The following INO80D variants were observed in gnomAD, a reference collection of about 807,000 sequenced individuals.
The protein encoded by INO80D is INO80 complex subunit D.
INO80D carries 21 observed loss-of-function variants against 87.6 expected under a neutral mutation model. The observed-to-expected ratio is 0.24, with a 90% confidence interval of 0.17 to 0.35. INO80D has a LOEUF of 0.35. Ranked by LOEUF, INO80D falls within the 10% of genes least tolerant of loss-of-function variation. The pLI is 1.00. For missense variants in INO80D, 982 were observed against 1,280.7 expected (o/e 0.77, Z 3.56); for synonymous variants, 440 against 491.0 (o/e 0.90, Z 1.37).
At chr2:206,027,336 TAAAAAAAATTCA>T (rs1688645260) in intron 6 of INO80D, among the ~76,000 whole-genome samples, 1 of 152,080 alleles carries the variant, frequency 6.6e-6, no homozygotes, top group Non-Finnish European at 1.5e-5. Context: ...ATTTTTTTCT[TAAAAAAAATTCA>T]ATGTAATAAA....
chr2:206,018,548 T>C (rs1688379401), intron 7 of INO80D, among the ~76,000 whole-genome samples: 2 of 152,164 alleles, frequency 1.3e-5, no homozygotes, highest in South Asian at 4.1e-4. Flanking sequence ...AACTCATCTT[T>C]CCAAATTTGA....
intron 1 of INO80D, among the ~76,000 whole-genome samples, chr2:206,074,939 C>T (rs1351302779): frequency 1.4e-5 from 2 of 146,914 alleles, no homozygotes; most frequent in Admixed American, 6.9e-5. Context: ...AACTCCATCT[C>T]GAGGCAGGAG....
At position 206,010,096 on chromosome 2, in the gene INO80D, C is replaced by T. The variant is rs931125541; in HGVS notation, c.1543-302G>A. Among the ~76,000 whole-genome samples, 6 of 152,192 alleles carry T rather than the reference C, an allele frequency of 3.9e-5. No individual in the cohort carries two copies. The East Asian group carries it at 9.7e-4, about 24-fold the overall frequency. ...ACACACACACACACACGCACACACA[C>T]GGTTCCAGTTCTTTGTACTGGCATC... is the stretch of plus-strand genomic sequence containing the variant. On this transcript the variant is annotated intron_variant, in intron 8 of 10. Coordinates refer to ENST00000403263, the MANE Select transcript of INO80D (RefSeq NM_017759.5).
intron 5 of INO80D, 121 bp downstream of exon 5, chr2:206,046,382 CA>C (rs1187629456): frequency 1.3e-4 from 84 of 651,858 alleles, no homozygotes; most frequent in Middle Eastern, 8.5e-4. Flanking sequence ...ACTAAAAATA[CA>C]AAAAAAATTA....
intron 1 of INO80D, chr2:206,084,564 GTGT>G (rs1457864208): frequency 2.0e-5 from 3 of 152,150 alleles, no homozygotes; most frequent in African/African-American, 7.2e-5. Context: ...ATCTGTTCCG[GTGT>G]TGGTTTTACC....
chr2:206,034,415 C>T (rs974632771), intron 5 of INO80D, among the ~76,000 whole-genome samples: 5 of 152,068 alleles, frequency 3.3e-5, no homozygotes, highest in African/African-American at 1.2e-4. Context: ...GGGTTTCATA[C>T]CAGGGATGCA....
chr2:205,997,521 C>T lies in INO80D; in HGVS notation c.*6847G>A, dbSNP rs1687829856. 2 of 151,948 alleles carry T rather than the reference C, an allele frequency of 1.3e-5. No individual in the cohort carries two copies. The highest frequency in any genetic ancestry group is 1.3e-4 in the Admixed American group (2 of 15,252). The allele number at this position is 151,948 out of a possible 1,614,324, so 9.4% of individuals were successfully genotyped here. A position where few individuals can be genotyped will look rare whatever the true frequency, so the allele number is the denominator to read the frequency against. On this transcript the variant is annotated 3_prime_UTR_variant, in exon 11 of 11. Transcript: ENST00000403263. Reference sequence around the variant, plus strand: ...AGATGATCAACAATATTTTCTTACTCGAATATAAAGAAATCTATAATTAAC... The same window carrying T: ...AGATGATCAACAATATTTTCTTACTTGAATATAAAGAAATCTATAATTAAC...
intron 6 of INO80D, among the ~76,000 whole-genome samples, chr2:206,023,575 T>C (rs1575813589): frequency 6.6e-6 from 1 of 150,984 alleles, no homozygotes; most frequent in East Asian, 1.9e-4. Flanking sequence ...CCCAGCTACT[T>C]GGGAGGCTGA....
At chr2:206,061,793 C>A (rs1375216223) in intron 3 of INO80D, among the ~76,000 whole-genome samples, 1 of 152,124 alleles carries the variant, frequency 6.6e-6, no homozygotes, top group Non-Finnish European at 1.5e-5. Context: ...TCCTTTCCAA[C>A]CAATTTATGC....
In INO80D at chr2:206,005,887, A is replaced by G. The variant is rs187098269; in HGVS notation, c.1919-354T>C. 2.4e-3 allele frequency among the ~76,000 whole-genome samples: 373 copies of G among 152,338 alleles called. 1 individual carries two copies. The highest frequency in any genetic ancestry group is 8.3e-3 in the African/African-American group (346 of 41,580). The stretch of plus-strand genomic sequence containing the variant: ...TTTAACCTAAAATAATATTATCATC[A>G]TTAACATAGAAAACATATATCAACT... On this transcript the variant is annotated intron_variant, in intron 10 of 10. Coordinates refer to ENST00000403263, the MANE Select transcript of INO80D (RefSeq NM_017759.5).
Position 206,005,070 on chromosome 2 carries a change from G to C in INO80D, c.2382C>G (p.Ser794=). 1 of 1,613,936 alleles carries C rather than the reference G, an allele frequency of 6.2e-7. No homozygotes were observed. The highest frequency in any genetic ancestry group is 8.5e-7 in the Non-Finnish European group (1 of 1,179,880). ...FHGLHDGSHA[S]QRPHPAQLLS... ...GCAGCTGGGCAGGATGTGGCCTCTG[G>C]GAGGCATGGCTGCCGTCATGAAGTC... Residue 794 remains serine (S), a synonymous_variant, in exon 11 of 11, where the codon TCC becomes TCG. Coordinates refer to ENST00000403263, the MANE Select transcript of INO80D (RefSeq NM_017759.5).
intron 3 of INO80D, among the ~76,000 whole-genome samples, chr2:206,060,204 CAAAGAAAAA>C (rs1220742969): frequency 6.6e-6 from 1 of 150,800 alleles, no homozygotes; most frequent in African/African-American, 2.4e-5. Flanking sequence ...GACCCCATCT[CAAAGAAAAA>C]AAAGAAAAGA....
At chr2:206,067,865 T>C (rs976841753) in intron 1 of INO80D, among the ~76,000 whole-genome samples, 1 of 152,018 alleles carries the variant, frequency 6.6e-6, no homozygotes, top group Non-Finnish European at 1.5e-5. Flanking sequence ...AGGGCAGGGA[T>C]GGAAGGATGT....
chr2:206,052,041 C>G (rs569300407), intron 4 of INO80D, among the ~76,000 whole-genome samples: 1 of 152,170 alleles, frequency 6.6e-6, no homozygotes, highest in Non-Finnish European at 1.5e-5. Context: ...TTTATTAAAT[C>G]GATCCCTGAG....
At chr2:206,009,457 C>A in intron 9 of INO80D, 120 bp downstream of exon 9, 2 of 774,172 alleles carry the variant, frequency 2.6e-6, no homozygotes, top group African/African-American at 1.7e-5. Flanking sequence ...AAAATCTAGG[C>A]TGATATACTA....
chr2:206,082,525 G>A (rs569385017), intron 1 of INO80D, among the ~76,000 whole-genome samples: 6 of 152,304 alleles, frequency 3.9e-5, no homozygotes, highest in African/African-American at 7.2e-5. Context: ...GAAGAAGTGA[G>A]GAGACTCTAT....
At chr2:206,055,874 C>T (rs182208557) in intron 4 of INO80D, among the ~76,000 whole-genome samples, 3 of 152,202 alleles carry the variant, frequency 2.0e-5, no homozygotes, top group East Asian at 3.9e-4. Context: ...AGGTATTATA[C>T]GTAATCTAGA....
rs1286598107 is a variant in INO80D at position 206,000,795 on chromosome 2, C to T, written c.*3573G>A. The T allele has an allele frequency of 6.6e-6, 1 of 152,158 alleles. No homozygotes were observed. Among genetic ancestry groups the T allele is most frequent in the Non-Finnish European group, 1.5e-5 (1 of 68,014 alleles). The allele number at this position is 152,158 out of a possible 1,614,324, so 9.4% of individuals were successfully genotyped here. ...TTCTTTAGCCTCAAGCCACTAAAGA[C>T]AGTAACACCAATTTTAAGGAAAAAA... On this transcript the variant is annotated 3_prime_UTR_variant, in exon 11 of 11. Coordinates refer to ENST00000403263, the MANE Select transcript of INO80D (RefSeq NM_017759.5).
At chr2:206,039,679 G>A (rs1186831754) in intron 5 of INO80D, among the ~76,000 whole-genome samples, 2 of 150,610 alleles carry the variant, frequency 1.3e-5, no homozygotes, top group South Asian at 2.1e-4. Context: ...GCGTGGTGGC[G>A]CATGCCTGTA....
Sources: gnomAD v4.1 joint callset for allele counts (sites outside exome capture counted in the v4.1 genomes callset) on GRCh38, gnomAD v4.1.1 for gene constraint, MANE v1.5 for transcripts, NCBI Gene and HGNC (gene_info 2026-07-23, HGNC 2026-07-21) for gene names.